The following ABCA10 variants were observed in gnomAD, a reference collection of about 807,000 sequenced individuals.
ABCA10 encodes ATP-binding cassette sub-family A member 10.
ABCA10 carries 169 observed loss-of-function variants against 187.5 expected under a neutral mutation model. That is an observed-to-expected ratio of 0.90 (90% confidence interval 0.80 to 1.02). The LOEUF (loss-of-function observed/expected upper bound fraction) is 1.02. Among genes scored for constraint, ABCA10 ranks in the 50% least tolerant of loss-of-function variants. ABCA10 has a pLI of 0.00. For missense variants in ABCA10, 1,727 were observed against 1,812.4 expected (o/e 0.95, Z 0.86); for synonymous variants, 574 against 601.8 (o/e 0.95, Z 0.68).
chr17:69,193,008 A>G (rs2074472558), intron 15 of ABCA10, 102 bp downstream of exon 15: 16 of 1,466,006 alleles, frequency 1.1e-5, no homozygotes, highest in Non-Finnish European at 1.4e-5. Flanking sequence ...TTCTGCAAAT[A>G]AACTGCAAAC....
chr17:69,174,839 T>TA (rs892505908), intron 23 of ABCA10, 62 bp from the exon 24 acceptor site: 36 of 1,372,902 alleles, frequency 2.6e-5, no homozygotes, highest in Non-Finnish European at 3.1e-5. Context: ...TGTGGTTATG[T>TA]AAAAAAAATT....
Position 69,150,196 on chromosome 17 carries a change from G to C in ABCA10, c.4398-133C>G, listed in dbSNP as rs1598082018. ...GTCTGATTTGATATAGCATGAATCA[G>C]TGTGAAATTACAGATTCAATCATAA... is the stretch of plus-strand genomic sequence containing the variant. On this transcript the variant is annotated intron_variant, in intron 36 of 38. Transcript: ENST00000690296. 1.0e-5 allele frequency: 6 copies of C among 575,044 alleles called. No individual in the cohort carries two copies. In the East Asian group the frequency reaches 1.8e-4, roughly 18 times the overall value. 35.6% of individuals were successfully genotyped at this position (575,044 alleles called of 1,614,324 possible). A position where few individuals can be genotyped will look rare whatever the true frequency, so the allele number is the denominator to read the frequency against.
chr17:69,156,067 G>A (rs2074172206), intron 28 of ABCA10, 142 bp from the exon 29 acceptor site: 1 of 1,021,394 alleles, frequency 9.8e-7, no homozygotes, highest in South Asian at 2.0e-5. Flanking sequence ...ATTCTTCTTG[G>A]CAGTAATAAC....
In ABCA10 at chr17:69,164,157, GA is replaced by G. The variant is rs760289269; in HGVS notation, c.3283-4del. The stretch of plus-strand genomic sequence containing the variant: ...TCCAAGTTTCTCATAAAGTCGAGCT[GA>G]AAAAAAACCCACCAACAGTTAAATG... On this transcript the variant is annotated splice_polypyrimidine_tract_variant and splice_region_variant and intron_variant, in intron 26 of 38. Transcript: ENST00000690296. 1.2e-5 allele frequency: 18 copies of G among 1,563,772 alleles called. No individual in the cohort carries two copies. The highest frequency in any genetic ancestry group is 6.4e-5 in the Admixed American group (3 of 47,122).
In ABCA10 at chr17:69,155,792, C is replaced by T. The variant is rs1275372078; in HGVS notation, c.3576+13G>A. On this transcript the variant is annotated intron_variant, in intron 29 of 38. Coordinates refer to ENST00000690296, the MANE Select transcript of ABCA10 (RefSeq NM_001377321.1). ...CTGAGCATTTTATTAAGGGTCTAAT[C>T]CCTGCTGTTCACCTCCTCCAAGTTT... The T allele has an allele frequency of 6.2e-7, 1 of 1,612,730 alleles. No homozygotes were observed. The highest frequency in any genetic ancestry group is 1.3e-5 in the African/African-American group (1 of 74,892).
In ABCA10 at chr17:69,180,059, A is replaced by C. The variant is rs773742650; in HGVS notation, c.2769+2094T>G. 7.1e-4 allele frequency among the ~76,000 whole-genome samples: 108 copies of C among 152,218 alleles called. 1 individual carries two copies. The highest frequency in any genetic ancestry group is 5.2e-4 in the Admixed American group (8 of 15,272). The stretch of plus-strand genomic sequence containing the variant: ...TCCACAGTAATGATAATAATGGCTC[A>C]TGGTTGTGCGATACATTAAACACTT... On this transcript the variant is annotated intron_variant, in intron 22 of 38. Coordinates refer to ENST00000690296, the MANE Select transcript of ABCA10 (RefSeq NM_001377321.1).
chr17:69,177,136 C>T (rs960451009), intron 22 of ABCA10, among the ~76,000 whole-genome samples: 2 of 152,142 alleles, frequency 1.3e-5, no homozygotes, highest in African/African-American at 4.8e-5. Flanking sequence ...TGGGTATACT[C>T]TGCTTTATCT....
chr17:69,220,639 T>C (rs912246780), intron 5 of ABCA10, among the ~76,000 whole-genome samples: 1 of 152,150 alleles, frequency 6.6e-6, no homozygotes, highest in Non-Finnish European at 1.5e-5. Context: ...CCATGTTCAT[T>C]TTTGCGCATA....
intron 37 of ABCA10, 108 bp from the exon 38 acceptor site, chr17:69,149,196 TAGG>T: frequency 8.7e-7 from 1 of 1,153,658 alleles, no homozygotes; most frequent in Admixed American, 2.1e-5. Flanking sequence ...CTGTAAGATA[TAGG>T]CCAAATAATT....
At chr17:69,220,029 A>C (rs1191753862) in intron 5 of ABCA10, among the ~76,000 whole-genome samples, 2 of 152,208 alleles carry the variant, frequency 1.3e-5, no homozygotes, top group African/African-American at 4.8e-5. Flanking sequence ...TTCAAACAGA[A>C]ACACTCTTCA....
intron 9 of ABCA10, among the ~76,000 whole-genome samples, chr17:69,209,280 A>C (rs1415363332): frequency 6.6e-6 from 1 of 152,166 alleles, no homozygotes; most frequent in Non-Finnish European, 1.5e-5. Context: ...TATGTATGCT[A>C]CATGCTGCTC....
In ABCA10 at chr17:69,201,594, G is replaced by A. The variant is rs190061096; in HGVS notation, c.1081C>T (p.His361Tyr). The A allele has an allele frequency of 5.0e-6, 8 of 1,612,920 alleles. No homozygotes were observed. The African/African-American group carries it at 6.7e-5, about 13-fold the overall frequency. ...SFWSKHQNTH[H>Y]EIFENEINPE... Reference sequence around the variant, plus strand: ...TTTATTTCATTCTCAAAGATTTCATGATGAGTATTTTGATGTTTGGACCAA... The same window carrying A: ...TTTATTTCATTCTCAAAGATTTCATAATGAGTATTTTGATGTTTGGACCAA... The change falls in exon 10 of 39, where the codon CAT (histidine) becomes TAT (tyrosine). Residue 361 changes from histidine (H) to tyrosine (Y), a missense_variant. By Grantham distance (83) the His-to-Tyr change is moderately conservative (BLOSUM62 2). Transcript: ENST00000690296.
intron 20 of ABCA10, among the ~76,000 whole-genome samples, chr17:69,184,221 G>C (rs1445649857): frequency 6.6e-6 from 1 of 152,094 alleles, no homozygotes. Context: ...AAGCTCAGAC[G>C]TGCCTAACCC....
chr17:69,215,673 T>C, intron 8 of ABCA10, 142 bp downstream of exon 8: 1 of 790,628 alleles, frequency 1.3e-6, no homozygotes, highest in Non-Finnish European at 1.8e-6. Context: ...AACTTTTTTG[T>C]TGTTCTTATT....
chr17:69,188,893 C>T (rs1212143772), intron 18 of ABCA10, among the ~76,000 whole-genome samples: 1 of 152,136 alleles, frequency 6.6e-6, no homozygotes, highest in Non-Finnish European at 1.5e-5. Flanking sequence ...CGTGGTATTA[C>T]ATAGTGTACA....
intron 18 of ABCA10, among the ~76,000 whole-genome samples, chr17:69,189,346 C>A (rs2074443457): frequency 6.6e-6 from 1 of 152,096 alleles, no homozygotes; most frequent in African/African-American, 2.4e-5. Context: ...AGTATCTGTT[C>A]ATGTCCTTTG....
chr17:69,158,385 G>A (rs1269601379), intron 27 of ABCA10, among the ~76,000 whole-genome samples: 1 of 151,680 alleles, frequency 6.6e-6, no homozygotes, highest in East Asian at 1.9e-4. Flanking sequence ...AATTCAGTAA[G>A]GTAAACTGAT....
chr17:69,189,709 G>T (rs1426988173), intron 18 of ABCA10, among the ~76,000 whole-genome samples: 2 of 152,090 alleles, frequency 1.3e-5, no homozygotes, highest in African/African-American at 4.8e-5. Flanking sequence ...TAGGGTGAAA[G>T]GTAGGGCTCT....
chr17:69,148,883 C>T lies in ABCA10; in HGVS notation c.4576G>A (p.Asp1526Asn). The T allele has an allele frequency of 6.2e-7, 1 of 1,613,662 alleles. No individual in the cohort carries two copies. Among genetic ancestry groups the T allele is most frequent in the Non-Finnish European group, 8.5e-7 (1 of 1,179,814 alleles). The change falls in exon 39 of 39, where the codon GAT becomes AAT. Residue 1526 changes from aspartate (D) to asparagine (N), a missense_variant. Coordinates refer to ENST00000690296, the MANE Select transcript of ABCA10 (RefSeq NM_001377321.1). ...LCKEQELGNV[D>N]DKIDTTVEWK... Reference sequence around the variant, plus strand: ...TCAACTGTTGTATCAATTTTATCATCAACATTTCCCAGCTCCTGCTCTTTA... The same window carrying T: ...TCAACTGTTGTATCAATTTTATCATTAACATTTCCCAGCTCCTGCTCTTTA...
Sources: allele counts gnomAD v4.1 joint callset (sites outside exome capture counted in the v4.1 genomes callset), GRCh38; gene constraint gnomAD v4.1.1; transcripts MANE v1.5; gene names NCBI Gene and HGNC (gene_info 2026-07-23, HGNC 2026-07-21).